GPC6: variants seen among roughly 807,000 people sequenced by gnomAD.
The protein encoded by GPC6 is glypican 6, also known as glypican-6.
Under a neutral mutation model 55.2 loss-of-function variants are expected in GPC6, and 14 were observed. The ratio of observed to expected loss-of-function variants is 0.25; its 90% CI spans 0.17 to 0.40. The LOEUF is 0.40. Ranked by LOEUF, GPC6 falls within the 10% of genes least tolerant of loss-of-function variation. The probability of loss-of-function intolerance (pLI) is 1.00; values close to 1 mark genes in which losing one functional copy is unlikely to be tolerated. For synonymous variants in GPC6, 278 were observed against 259.6 expected (o/e 1.07, Z -0.68); for missense variants, 641 against 708.5 (o/e 0.90, Z 1.08).
intron 5 of GPC6, among the ~76,000 whole-genome samples, chr13:94,304,691 A>G (rs1367341377): frequency 6.6e-6 from 1 of 152,240 alleles, no homozygotes; most frequent in Non-Finnish European, 1.5e-5. Context: ...CAGAGTGTAA[A>G]GCTTCTAAAA....
At chr13:93,931,544 AC>A (rs1359352538) in intron 3 of GPC6, among the ~76,000 whole-genome samples, 1 of 151,842 alleles carries the variant, frequency 6.6e-6, no homozygotes, top group Non-Finnish European at 1.5e-5. Flanking sequence ...CGGGTGTATC[AC>A]CTGAGGTCAG....
chr13:94,029,364 GT>G (rs1883026859), intron 4 of GPC6, among the ~76,000 whole-genome samples: 1 of 152,196 alleles, frequency 6.6e-6, no homozygotes, highest in Admixed American at 6.5e-5. Context: ...TAATCATTAA[GT>G]TATCCTTCTG....
intron 4 of GPC6, among the ~76,000 whole-genome samples, chr13:94,055,136 T>A (rs1356698124): frequency 6.6e-6 from 1 of 152,208 alleles, no homozygotes; most frequent in Admixed American, 6.5e-5. Context: ...TGTTGACTGT[T>A]AGCCCCACAC....
At chr13:94,270,714 T>C (rs1891964521) in intron 4 of GPC6, among the ~76,000 whole-genome samples, 1 of 152,224 alleles carries the variant, frequency 6.6e-6, no homozygotes, top group South Asian at 2.1e-4. Flanking sequence ...CTTTTCACTT[T>C]GTCGCTAGGG....
At chr13:94,027,645 G>T in intron 3 of GPC6, 84 bp from the exon 4 acceptor site, 2 of 1,174,932 alleles carry the variant, frequency 1.7e-6, no homozygotes, top group Non-Finnish European at 2.5e-6. Flanking sequence ...TCTGCTTGTG[G>T]TTTATCACTG....
chr13:93,315,886 G>C (rs975648938), intron 1 of GPC6, among the ~76,000 whole-genome samples: 11 of 151,898 alleles, frequency 7.2e-5, no homozygotes, highest in African/African-American at 2.7e-4. Flanking sequence ...ATATGAGCAA[G>C]ATATTTGGAC....
intron 1 of GPC6, among the ~76,000 whole-genome samples, chr13:93,425,544 G>A (rs181384335): frequency 1.6e-4 from 24 of 152,148 alleles, no homozygotes; most frequent in East Asian, 3.9e-4. Context: ...CACAGCCAGC[G>A]GTCAAATCCC....
the GPC6 span, among the ~76,000 whole-genome samples, chr13:93,221,481 G>A: frequency 1.3e-5 from 2 of 152,078 alleles, no homozygotes; most frequent in African/African-American, 4.8e-5. Context: ...CTGCCCCATG[G>A]TGTTTGGTTT....
chr13:94,083,398 A>C (rs9589900), intron 4 of GPC6, among the ~76,000 whole-genome samples: 26,055 of 152,190 alleles, frequency 0.17, 3,054 homozygotes, highest in Non-Finnish European at 0.25. Context: ...GATTACAGGC[A>C]TGAGCCACTG....
At chr13:94,133,339 A>G (rs192564904) in intron 4 of GPC6, among the ~76,000 whole-genome samples, 2 of 152,080 alleles carry the variant, frequency 1.3e-5, no homozygotes, top group East Asian at 1.9e-4. Flanking sequence ...ATAAAATTCT[A>G]ACTCTTAAAA....
rs556333460 is a variant in GPC6, at chr13:93,795,707, A to G, written c.320-34447A>G. On this transcript the variant is annotated intron_variant, in intron 2 of 8. Coordinates refer to ENST00000377047, the MANE Select transcript of GPC6 (RefSeq NM_005708.5). ...CCTAATGTGTACTTCCATTTCAAAT[A>G]TCTAGTTCACATATTAGTAGGTATC... Among the ~76,000 whole-genome samples, 4 of 152,332 alleles carry G rather than the reference A, an allele frequency of 2.6e-5. No individual in the cohort carries two copies. In the South Asian group the frequency reaches 8.3e-4, roughly 32 times the overall value.
intron 1 of GPC6, among the ~76,000 whole-genome samples, chr13:93,351,472 G>A (rs1342468709): frequency 6.6e-6 from 1 of 151,998 alleles, no homozygotes; most frequent in Admixed American, 6.6e-5. Flanking sequence ...AGTTGTTAAA[G>A]GATACAAAAT....
chr13:93,650,305 C>A (rs1470441624), intron 2 of GPC6, among the ~76,000 whole-genome samples: 1 of 151,980 alleles, frequency 6.6e-6, no homozygotes, highest in Non-Finnish European at 1.5e-5. Flanking sequence ...AAATTAAAGA[C>A]CCTTATTCAT....
chr13:93,815,005 T>C (rs1886804831), intron 2 of GPC6, among the ~76,000 whole-genome samples: 1 of 152,160 alleles, frequency 6.6e-6, no homozygotes, highest in Non-Finnish European at 1.5e-5. Flanking sequence ...AAAAGACTGC[T>C]GTTTGGGCAA....
At chr13:93,729,463 G>C (rs1883751028) in intron 2 of GPC6, among the ~76,000 whole-genome samples, 2 of 152,178 alleles carry the variant, frequency 1.3e-5, no homozygotes, top group Non-Finnish European at 2.9e-5. Flanking sequence ...TTGGTCATGA[G>C]AGAAGTATCA....
intron 2 of GPC6, chr13:93,818,780 T>A (rs1464858310): frequency 6.6e-6 from 1 of 152,220 alleles, no homozygotes; most frequent in African/African-American, 2.4e-5. Context: ...GAATACTGGC[T>A]GTCTACAGGG....
At chr13:93,508,740 C>T (rs116313169) in intron 1 of GPC6, among the ~76,000 whole-genome samples, 1,840 of 152,148 alleles carry the variant, frequency 0.012, 38 homozygotes, top group African/African-American at 0.037. Context: ...TCAGTACAGT[C>T]GGAGCAGGGC....
intron 1 of GPC6, among the ~76,000 whole-genome samples, chr13:93,501,966 A>G (rs1880536578): frequency 6.6e-6 from 1 of 152,178 alleles, no homozygotes; most frequent in South Asian, 2.1e-4. Flanking sequence ...GTAGAATAGT[A>G]TATATTAAAG....
intron 4 of GPC6, among the ~76,000 whole-genome samples, chr13:94,207,363 C>T (rs147306094): frequency 2.1e-3 from 326 of 152,306 alleles, no homozygotes; most frequent in Non-Finnish European, 3.1e-3. Context: ...CCCATATTTC[C>T]GATCTTCCCA....
Sources: allele counts gnomAD v4.1 joint callset (sites outside exome capture counted in the v4.1 genomes callset), GRCh38; gene constraint gnomAD v4.1.1; transcripts MANE v1.5; gene names NCBI Gene and HGNC (gene_info 2026-07-23, HGNC 2026-07-21).